Variants in FOXP2 observed in about 807,000 individuals in gnomAD.
The protein encoded by FOXP2 is forkhead box P2.
In FOXP2, 12 loss-of-function variants were observed where a neutral mutation model predicts 115.8. That is an observed-to-expected ratio of 0.10 (90% CI 0.07 to 0.17). The LOEUF (loss-of-function observed/expected upper bound fraction) is 0.17. Among genes scored for constraint, FOXP2 ranks in the 10% least tolerant of loss-of-function variants. The pLI is 1.00. For missense variants in FOXP2, 629 were observed against 843.5 expected (o/e 0.75, Z 3.15); for synonymous variants, 328 against 297.7 (o/e 1.10, Z -1.05).
Position 114,654,771 on chromosome 7 carries a change from TA to T in FOXP2, c.1266+764del, listed in dbSNP as rs562269973. ...TAATGAAAGTTTGTGGGATACTTTT[TA>T]ATAAGGCCCCTGTATAGCCTGATGA... On this transcript the variant is annotated intron_variant, in intron 10 of 16. Coordinates refer to ENST00000350908, the MANE Select transcript of FOXP2 (RefSeq NM_014491.4). 7.9e-5 allele frequency among the ~76,000 whole-genome samples: 12 copies of T among 152,268 alleles called. No individual in the cohort carries two copies. The East Asian group carries it at 2.3e-3, about 29-fold the overall frequency.
chr7:114,548,693 G>T lies in FOXP2; in HGVS notation c.258+13987G>T, dbSNP rs1800053624. ...CAGTATATACTCAGCACTAGGTAAAGAACAATACAAAGTAAACTATGCAAA... is the reference window on the plus strand; with the variant it reads ...CAGTATATACTCAGCACTAGGTAAATAACAATACAAAGTAAACTATGCAAA... On this transcript the variant is annotated intron_variant, in intron 3 of 16. Transcript: ENST00000350908. Among the ~76,000 whole-genome samples, 3 of 152,110 alleles carry T rather than the reference G, an allele frequency of 2.0e-5. No homozygotes were observed. In the South Asian group the frequency reaches 6.2e-4, roughly 32 times the overall value.
intron 8 of FOXP2, among the ~76,000 whole-genome samples, chr7:114,650,940 C>G (rs771295219): frequency 2.0e-5 from 3 of 151,908 alleles, no homozygotes; most frequent in Non-Finnish European, 2.9e-5. Context: ...ATTGTTGAAC[C>G]TAGGTATATA....
At chr7:114,652,415 A>G in intron 9 of FOXP2, 125 bp downstream of exon 9, 2 of 795,552 alleles carry the variant, frequency 2.5e-6, no homozygotes, top group Non-Finnish European at 4.3e-6. Flanking sequence ...TAATGGAGAT[A>G]CATGATATTT....
At chr7:114,281,636 C>T (rs1796339230) in intron 1 of FOXP2, among the ~76,000 whole-genome samples, 1 of 152,072 alleles carries the variant, frequency 6.6e-6, no homozygotes, top group Admixed American at 6.6e-5. Context: ...CATTATCTGA[C>T]AGAACATTAT....
intron 8 of FOXP2, among the ~76,000 whole-genome samples, chr7:114,647,087 G>C (rs1406824461): frequency 6.6e-6 from 1 of 151,780 alleles, no homozygotes; most frequent in Non-Finnish European, 1.5e-5. Context: ...TGCATTTTTA[G>C]TTCTAGTATA....
At chr7:114,131,740 A>G (rs1791885025) in intron 1 of FOXP2, among the ~76,000 whole-genome samples, 1 of 152,206 alleles carries the variant, frequency 6.6e-6, no homozygotes, top group Non-Finnish European at 1.5e-5. Context: ...ATCCACATAC[A>G]CATTCTCATA....
intron 3 of FOXP2, among the ~76,000 whole-genome samples, chr7:114,621,228 T>C (rs1229475572): frequency 6.6e-6 from 1 of 152,060 alleles, no homozygotes; most frequent in Non-Finnish European, 1.5e-5. Context: ...ATGTTAGAAA[T>C]ATGATTATCA....
chr7:114,691,107 A>T lies in FOXP2; in HGVS notation c.*1181A>T, dbSNP rs1247922135. The stretch of plus-strand genomic sequence containing the variant: ...ACTGACCAAAACGATTATGTACTTG[A>T]TGCAAATGCAGATTGCATATTGTTA... On this transcript the variant is annotated 3_prime_UTR_variant, in exon 17 of 17. Coordinates refer to ENST00000350908, the MANE Select transcript of FOXP2 (RefSeq NM_014491.4). The T allele has an allele frequency of 2.2e-6, 1 of 454,068 alleles. No homozygotes were observed. The highest frequency in any genetic ancestry group is 1.6e-5 in the South Asian group (1 of 64,480). The allele number at this position is 454,068 out of a possible 1,614,324, so 28.1% of individuals were successfully genotyped here.
chr7:114,409,248 A>G (rs1793108975), intron 2 of FOXP2, among the ~76,000 whole-genome samples: 1 of 152,138 alleles, frequency 6.6e-6, no homozygotes, highest in South Asian at 2.1e-4. Flanking sequence ...TCTGTAGTCT[A>G]TCTTTGTTTT....
At chr7:114,575,841 G>A (rs148969360) in intron 3 of FOXP2, among the ~76,000 whole-genome samples, 19 of 151,942 alleles carry the variant, frequency 1.3e-4, no homozygotes, top group African/African-American at 3.1e-4. Context: ...AGTGTTGACA[G>A]TTTTAACTAA....
chr7:114,503,111 T>C (rs1212631080), intron 2 of FOXP2, among the ~76,000 whole-genome samples: 1 of 151,952 alleles, frequency 6.6e-6, no homozygotes, highest in Non-Finnish European at 1.5e-5. Context: ...TTGTGCTTCT[T>C]TTTGTTTTAG....
In FOXP2 at chr7:114,463,373, A is replaced by G. The variant is rs991161206; in HGVS notation, c.168+36694A>G. Among the ~76,000 whole-genome samples, 6 of 152,370 alleles carry G rather than the reference A, an allele frequency of 3.9e-5. No individual in the cohort carries two copies. In the South Asian group the frequency reaches 8.3e-4, roughly 21 times the overall value. On this transcript the variant is annotated intron_variant, in intron 2 of 16. Transcript: ENST00000350908. ...AATGTTCCATACTCTTTGCTGTTCA[A>G]CACAATGGCCACTATCCACATGTGG...
intron 6 of FOXP2, among the ~76,000 whole-genome samples, chr7:114,637,599 G>A (rs1312960522): frequency 6.6e-6 from 1 of 152,134 alleles, no homozygotes; most frequent in African/African-American, 2.4e-5. Context: ...GGATATAGCA[G>A]TGAAGAAAAC....
intron 1 of FOXP2, among the ~76,000 whole-genome samples, chr7:114,192,348 A>G (rs1356107972): frequency 1.3e-5 from 2 of 152,090 alleles, no homozygotes; most frequent in Non-Finnish European, 2.9e-5. Context: ...ATTTCATTAT[A>G]TGGATGCTTC....
intron 3 of FOXP2, among the ~76,000 whole-genome samples, chr7:114,590,576 T>A (rs550674311): frequency 6.6e-6 from 1 of 152,296 alleles, no homozygotes; most frequent in South Asian, 2.1e-4. Context: ...GTGGTGTTTC[T>A]TATATGCAGA....
chr7:114,204,670 TC>T (rs1794154995), intron 1 of FOXP2, among the ~76,000 whole-genome samples: 1 of 152,184 alleles, frequency 6.6e-6, no homozygotes. Flanking sequence ...TTCTTGCCTA[TC>T]AAAATTGTTT....
chr7:114,623,357 C>T (rs1214231905), intron 3 of FOXP2, among the ~76,000 whole-genome samples: 1 of 151,794 alleles, frequency 6.6e-6, no homozygotes, highest in East Asian at 1.9e-4. Flanking sequence ...ACTGCTAATG[C>T]ATAATGATTT....
At chr7:114,399,879 CAG>C (rs1792839997) in intron 2 of FOXP2, among the ~76,000 whole-genome samples, 1 of 139,610 alleles carries the variant, frequency 7.2e-6, no homozygotes, top group Non-Finnish European at 1.5e-5. Context: ...TTTTTTGAGA[CAG>C]AGTCTCACTC....
intron 3 of FOXP2, among the ~76,000 whole-genome samples, chr7:114,581,851 A>C (rs934003946): frequency 9.8e-5 from 15 of 152,340 alleles, no homozygotes; most frequent in African/African-American, 3.6e-4. Flanking sequence ...AAAGACTGAA[A>C]TGTGGGTTTA....
Sources: allele counts gnomAD v4.1 joint callset (sites outside exome capture counted in the v4.1 genomes callset), GRCh38; gene constraint gnomAD v4.1.1; transcripts MANE v1.5; gene names NCBI Gene and HGNC (gene_info 2026-07-23, HGNC 2026-07-21).